SLC8A1: variants seen among roughly 807,000 people sequenced by gnomAD.
SLC8A1 encodes the protein sodium/calcium exchanger 1.
Under a neutral mutation model 68.3 loss-of-function variants are expected in SLC8A1, and 18 were observed. The observed-to-expected ratio is 0.26, with a 90% CI of 0.18 to 0.39. SLC8A1 has a LOEUF of 0.39. SLC8A1 is among the 10% of genes least tolerant of loss of function. The pLI is 1.00. For missense variants in SLC8A1, 985 were observed against 1,156.7 expected (o/e 0.85, Z 2.15); for synonymous variants, 475 against 415.5 (o/e 1.14, Z -1.74).
At chr2:40,328,415 T>C (rs936206401) in intron 2 of SLC8A1, among the ~76,000 whole-genome samples, 3 of 152,158 alleles carry the variant, frequency 2.0e-5, no homozygotes, top group African/African-American at 7.2e-5. Flanking sequence ...TTTAAATTCA[T>C]CTTCCTCCAA....
chr2:40,100,350 C>T (rs2033822263), exon 8 of SLC8A1: 1 of 151,960 alleles, frequency 6.6e-6, no homozygotes, highest in South Asian at 2.1e-4. Flanking sequence ...TGTAATTTAG[C>T]CTTGAGCTTA....
intron 2 of SLC8A1, among the ~76,000 whole-genome samples, chr2:40,300,372 G>C (rs2071223602): frequency 6.6e-6 from 1 of 151,912 alleles, no homozygotes. Context: ...CATGTGACTA[G>C]CAAACTGTGG....
chr2:40,496,734 C>T (rs1160928845), intron 1 of SLC8A1, among the ~76,000 whole-genome samples: 1 of 151,864 alleles, frequency 6.6e-6, no homozygotes, highest in Admixed American at 6.6e-5. Flanking sequence ...CACCCACAGC[C>T]TACATATCCT....
At chr2:40,236,089 G>C (rs1307380082) in intron 2 of SLC8A1, among the ~76,000 whole-genome samples, 1 of 152,084 alleles carries the variant, frequency 6.6e-6, no homozygotes, top group South Asian at 2.1e-4. Flanking sequence ...GATTTGGGGT[G>C]GACAGTTCTG....
At chr2:40,283,862 G>A (rs550146919) in intron 2 of SLC8A1, among the ~76,000 whole-genome samples, 12 of 152,244 alleles carry the variant, frequency 7.9e-5, no homozygotes, top group Non-Finnish European at 1.0e-4. Context: ...TGATCAGGCA[G>A]AAGAAAAATA....
chr2:40,373,856 G>C (rs1198686229), intron 2 of SLC8A1, among the ~76,000 whole-genome samples: 1 of 152,018 alleles, frequency 6.6e-6, no homozygotes, highest in East Asian at 1.9e-4. Context: ...CATATTCCCT[G>C]ACAGTGCACC....
At chr2:40,412,386 T>C (rs956866635) in intron 2 of SLC8A1, among the ~76,000 whole-genome samples, 3 of 152,146 alleles carry the variant, frequency 2.0e-5, no homozygotes, top group Non-Finnish European at 4.4e-5. Flanking sequence ...TTACATCTAT[T>C]TTGTAATCAT....
intron 1 of SLC8A1, among the ~76,000 whole-genome samples, chr2:40,438,557 C>T (rs1178869348): frequency 6.6e-6 from 1 of 152,012 alleles, no homozygotes; most frequent in Non-Finnish European, 1.5e-5. Context: ...AGTCTGCAAG[C>T]GACAGTTACT....
intron 1 of SLC8A1, among the ~76,000 whole-genome samples, chr2:40,509,321 C>T (rs1338544455): frequency 1.3e-5 from 2 of 152,020 alleles, no homozygotes; most frequent in Admixed American, 1.3e-4. Flanking sequence ...TTACCAGCAC[C>T]TTTGCCTAGT....
chr2:40,275,515 G>A (rs773311026), intron 2 of SLC8A1, among the ~76,000 whole-genome samples: 1 of 152,168 alleles, frequency 6.6e-6, no homozygotes, highest in East Asian at 1.9e-4. Flanking sequence ...TAGAGCCTGC[G>A]CTCATCACAT....
At chr2:40,125,922 T>A (rs539965470) in intron 7 of SLC8A1, among the ~76,000 whole-genome samples, 1 of 152,332 alleles carries the variant, frequency 6.6e-6, no homozygotes, top group Non-Finnish European at 1.5e-5. Flanking sequence ...TTTTATAGAT[T>A]CTTGTAATTT....
chr2:40,338,751 T>G (rs1010657735), intron 2 of SLC8A1, among the ~76,000 whole-genome samples: 2 of 152,206 alleles, frequency 1.3e-5, no homozygotes, highest in African/African-American at 4.8e-5. Flanking sequence ...TAATTGGATT[T>G]TCTTCTTTTA....
chr2:40,477,930 C>A (rs781123323), intron 1 of SLC8A1, among the ~76,000 whole-genome samples: 19 of 152,074 alleles, frequency 1.2e-4, no homozygotes, highest in Non-Finnish European at 2.4e-4. Flanking sequence ...CAGGGAATAA[C>A]CAGATGACCA....
Position 40,396,748 on chromosome 2 carries a change from T to TAAAAAAAAAA in SLC8A1, c.1808+31715_1808+31724dup, listed in dbSNP as rs368483768. ...TTTAACCTCCATCATCTCTAATAAC[T>TAAAAAAAAAA]AAAAAAAAAAAAAAAAAAAAAAAAA... On this transcript the variant is annotated intron_variant, in intron 2 of 7. Coordinates refer to ENST00000406785, the Ensembl canonical transcript of SLC8A1. Among the ~76,000 whole-genome samples the TAAAAAAAAAA allele has an allele frequency of 1.7e-3, 145 of 87,042 alleles. 8 individuals are homozygous for TAAAAAAAAAA. The highest frequency in any genetic ancestry group is 2.2e-3 in the Non-Finnish European group (107 of 48,718). The allele number at this position is 87,042 out of a possible 152,430, so 57.1% of individuals were successfully genotyped here. A position where few individuals can be genotyped will look rare whatever the true frequency, so the allele number is the denominator to read the frequency against.
intron 2 of SLC8A1, among the ~76,000 whole-genome samples, chr2:40,376,208 T>G: frequency 6.6e-6 from 1 of 152,108 alleles, no homozygotes; most frequent in East Asian, 1.9e-4. Context: ...CAGTCTAGTA[T>G]TTGTGGCCAA....
intron 2 of SLC8A1, among the ~76,000 whole-genome samples, chr2:40,308,437 T>C (rs75503269): frequency 0.013 from 2,018 of 152,254 alleles, 42 homozygotes; most frequent in African/African-American, 0.047. Context: ...CTGGATATGC[T>C]GATACAACAT....
intron 2 of SLC8A1, among the ~76,000 whole-genome samples, chr2:40,324,417 G>T (rs1346272532): frequency 6.6e-6 from 1 of 152,118 alleles, no homozygotes; most frequent in Non-Finnish European, 1.5e-5. Context: ...AACATGGCAA[G>T]ATTATTTAAA....
At position 40,208,598 on chromosome 2, in the gene SLC8A1, A is replaced by G. The variant is rs574582384; in HGVS notation, c.1809-30743T>C. ...TTTGGTTACAATACTTGGAGGTAAA[A>G]TTATATAGAGGGTAATGGTTTTCTC... On this transcript the variant is annotated intron_variant, in intron 2 of 7. Transcript: ENST00000406785. 5.3e-5 allele frequency: 8 copies of G among 152,222 alleles called. No homozygotes were observed. The South Asian group carries it at 1.2e-3, about 24-fold the overall frequency. 9.4% of individuals were successfully genotyped at this position (152,222 alleles called of 1,614,324 possible). A position where few individuals can be genotyped will look rare whatever the true frequency, so the allele number is the denominator to read the frequency against.
intron 2 of SLC8A1, among the ~76,000 whole-genome samples, chr2:40,384,059 T>C (rs1682790940): frequency 6.6e-6 from 1 of 151,542 alleles, no homozygotes; most frequent in South Asian, 2.1e-4. Context: ...CCAGGAGTTT[T>C]ACACCAGCCA....
Sources: allele counts gnomAD v4.1 joint callset (sites outside exome capture counted in the v4.1 genomes callset), GRCh38; gene constraint gnomAD v4.1.1; transcripts MANE v1.5; gene names NCBI Gene and HGNC (gene_info 2026-07-23, HGNC 2026-07-21).